The following NAA15 variants were observed in gnomAD, a reference collection of about 807,000 sequenced individuals.
The protein encoded by NAA15 is N-terminal acetyltransferase.
A neutral mutation model predicts 114.0 loss-of-function variants in NAA15; 34 were observed. That is an observed-to-expected ratio of 0.30 (90% CI 0.23 to 0.40). The LOEUF (loss-of-function observed/expected upper bound fraction) is 0.40. Ranked by LOEUF, NAA15 falls within the 10% of genes least tolerant of loss-of-function variation. The probability of loss-of-function intolerance (pLI) is 1.00; values close to 1 mark genes in which losing one functional copy is unlikely to be tolerated. For synonymous variants in NAA15, 340 were observed against 338.0 expected, an observed-to-expected ratio of 1.01 and a Z score of -0.06; for missense variants, 658 against 1,004.5, an observed-to-expected ratio of 0.66 and a Z score of 4.66.
rs1285404381 is a variant in NAA15 at position 139,390,313 on chromosome 4, G to A, written c.*2229G>A. 2 of 152,614 alleles carry A rather than the reference G, an allele frequency of 1.3e-5. No individual in the cohort carries two copies. The highest frequency in any genetic ancestry group is 2.9e-5 in the Non-Finnish European group (2 of 68,040). The allele number at this position is 152,614 out of a possible 1,614,324, so 9.5% of individuals were successfully genotyped here. A position where few individuals can be genotyped will look rare whatever the true frequency, so the allele number is the denominator to read the frequency against. Reference sequence around the variant, plus strand: ...TATTTTCTTTCAGGTTTACTTGATAGTGGATACATTGGTGTCAGAGGACCT... The same window carrying A: ...TATTTTCTTTCAGGTTTACTTGATAATGGATACATTGGTGTCAGAGGACCT... On this transcript the variant is annotated 3_prime_UTR_variant, in exon 20 of 20. Coordinates refer to ENST00000296543, the MANE Select transcript of NAA15 (RefSeq NM_057175.5).
At chr4:139,372,588 T>C (rs1416079209) in intron 15 of NAA15, among the ~76,000 whole-genome samples, 5 of 152,184 alleles carry the variant, frequency 3.3e-5, no homozygotes, top group Non-Finnish European at 5.9e-5. Context: ...TCTAAAAGCA[T>C]CTATACTTAC....
Position 139,384,943 on chromosome 4 carries a change from A to G in NAA15, c.2267A>G (p.Lys756Arg), listed in dbSNP as rs1560983783. 1.9e-6 allele frequency: 3 copies of G among 1,571,436 alleles called. No individual in the cohort carries two copies. Among genetic ancestry groups the G allele is most frequent in the Non-Finnish European group, 2.6e-6 (3 of 1,161,928 alleles). Residue 756 changes from lysine to arginine, a missense_variant, in exon 18 of 20, where the codon AAA becomes AGA. Coordinates refer to ENST00000296543, the MANE Select transcript of NAA15 (RefSeq NM_057175.5). ...NPKNFNETFLKRNSDSLPHRL... is the reference protein window; with the variant it reads ...NPKNFNETFLRRNSDSLPHRL... ...AAGAATTTTAATGAAACTTTTCTGA[A>G]AAGGAATTCTGATTCATTGCCACAC...
intron 15 of NAA15, among the ~76,000 whole-genome samples, chr4:139,375,105 G>C (rs1748546073): frequency 6.6e-6 from 1 of 152,172 alleles, no homozygotes; most frequent in Admixed American, 6.5e-5. Context: ...CCAGTTCTCT[G>C]CCTTTCTCTG....
At chr4:139,314,788 C>T (rs1417403018) in intron 1 of NAA15, among the ~76,000 whole-genome samples, 1 of 151,636 alleles carries the variant, frequency 6.6e-6, no homozygotes, top group Non-Finnish European at 1.5e-5. Flanking sequence ...AACAATTCTC[C>T]TGCCTCAGCC....
intron 1 of NAA15, among the ~76,000 whole-genome samples, chr4:139,325,114 C>A (rs113553045): frequency 1.2e-5 from 1 of 82,068 alleles, no homozygotes; most frequent in African/African-American, 5.9e-5. Context: ...ATTCAAGGGG[C>A]GGGGGGTTTA....
chr4:139,304,828 A>G (rs923609280), intron 1 of NAA15, among the ~76,000 whole-genome samples: 1 of 151,884 alleles, frequency 6.6e-6, no homozygotes, highest in Non-Finnish European at 1.5e-5. Flanking sequence ...AACCACATCC[A>G]TTATCTCTCC....
intron 10 of NAA15, among the ~76,000 whole-genome samples, chr4:139,354,691 CA>C (rs1747885828): frequency 2.0e-5 from 3 of 152,166 alleles, no homozygotes; most frequent in Non-Finnish European, 2.9e-5. Context: ...CTTTACCCAG[CA>C]CTCAGCTTCA....
chr4:139,355,227 C>T (rs187713901), intron 10 of NAA15, among the ~76,000 whole-genome samples: 1 of 152,128 alleles, frequency 6.6e-6, no homozygotes, highest in Admixed American at 6.5e-5. Context: ...GTTCACATTT[C>T]CAGTTATGTT....
chr4:139,355,992 C>G (rs906818306), intron 10 of NAA15, among the ~76,000 whole-genome samples: 1 of 151,968 alleles, frequency 6.6e-6, no homozygotes, highest in African/African-American at 2.4e-5. Flanking sequence ...TTTTTTCTCC[C>G]CACTCCCTCC....
chr4:139,358,074 A>C (rs1436221803), intron 11 of NAA15, among the ~76,000 whole-genome samples: 1 of 152,162 alleles, frequency 6.6e-6, no homozygotes, highest in Non-Finnish European at 1.5e-5. Flanking sequence ...TCATATTGCA[A>C]ATAAAATTTA....
chr4:139,352,531 T>A (rs1747811608), intron 9 of NAA15, among the ~76,000 whole-genome samples: 3 of 152,166 alleles, frequency 2.0e-5, no homozygotes, highest in African/African-American at 7.2e-5. Flanking sequence ...AAATGAGACA[T>A]ATGAAACACT....
intron 6 of NAA15, among the ~76,000 whole-genome samples, chr4:139,348,957 A>G (rs1426260208): frequency 6.6e-6 from 1 of 152,194 alleles, no homozygotes; most frequent in Non-Finnish European, 1.5e-5. Flanking sequence ...AAAGACAGTT[A>G]AGCTTAAAAT....
chr4:139,340,790 C>A, intron 3 of NAA15, 122 bp from the exon 4 acceptor site: 1 of 666,980 alleles, frequency 1.5e-6, no homozygotes, highest in Non-Finnish European at 2.4e-6. Context: ...TCTCCCCCTC[C>A]CCTTCCCCTT....
chr4:139,383,199 A>G (rs180875626), intron 17 of NAA15, among the ~76,000 whole-genome samples: 12 of 152,312 alleles, frequency 7.9e-5, no homozygotes, highest in African/African-American at 2.9e-4. Flanking sequence ...TTGACTACCT[A>G]TTACATAATT....
chr4:139,307,310 A>G (rs1746055661), intron 1 of NAA15, among the ~76,000 whole-genome samples: 1 of 152,170 alleles, frequency 6.6e-6, no homozygotes, highest in African/African-American at 2.4e-5. Flanking sequence ...ACTCTATCAC[A>G]CAGTCTGGAG....
At position 139,352,716 on chromosome 4, in the gene NAA15, G is replaced by A. The variant is rs1747821545; in HGVS notation, c.1014+1105G>A. 2.2e-5 allele frequency among the ~76,000 whole-genome samples: 3 copies of A among 133,824 alleles called. No homozygotes were observed. The South Asian group carries it at 6.9e-4, about 31-fold the overall frequency. The allele number at this position is 133,824 out of a possible 152,430, so 87.8% of individuals were successfully genotyped here. A position where few individuals can be genotyped will look rare whatever the true frequency, so the allele number is the denominator to read the frequency against. On this transcript the variant is annotated intron_variant, in intron 9 of 19. Coordinates refer to ENST00000296543, the MANE Select transcript of NAA15 (RefSeq NM_057175.5). Reference sequence around the variant, plus strand: ...GAGTTTCACTCTTGTCGCCCAGGCTGGAGTGCAATGGCGTGATCTCAGCTC... The same window carrying A: ...GAGTTTCACTCTTGTCGCCCAGGCTAGAGTGCAATGGCGTGATCTCAGCTC...
chr4:139,342,203 T>C lies in NAA15; in HGVS notation c.403-623T>C, dbSNP rs879042866. Among the ~76,000 whole-genome samples, 5 of 152,308 alleles carry C rather than the reference T, an allele frequency of 3.3e-5. No individual in the cohort carries two copies. The South Asian group carries it at 1.0e-3, about 32-fold the overall frequency. ...TTTTAAAAACATTTTTGAATATTTT[T>C]CCTTTGTGCTGTTCTTTCCATCCTG... On this transcript the variant is annotated intron_variant, in intron 4 of 19. Coordinates refer to ENST00000296543, the MANE Select transcript of NAA15 (RefSeq NM_057175.5).
rs1238622867 is a variant in NAA15, at chr4:139,389,804, A to G, written c.*1720A>G. ...TTACTGATTGAACAGTTGTGCTACAATCAACTTTTCATAGTACATGACCTG... is the reference window on the plus strand; with the variant it reads ...TTACTGATTGAACAGTTGTGCTACAGTCAACTTTTCATAGTACATGACCTG... On this transcript the variant is annotated 3_prime_UTR_variant, in exon 20 of 20. Coordinates refer to ENST00000296543, the MANE Select transcript of NAA15 (RefSeq NM_057175.5). The G allele has an allele frequency of 6.6e-6, 1 of 152,658 alleles. No homozygotes were observed. Among genetic ancestry groups the G allele is most frequent in the African/African-American group, 2.4e-5 (1 of 41,452 alleles). 9.5% of individuals were successfully genotyped at this position (152,658 alleles called of 1,614,324 possible). A position where few individuals can be genotyped will look rare whatever the true frequency, so the allele number is the denominator to read the frequency against.
rs1748399304 is a variant in NAA15 at position 139,370,272 on chromosome 4, A to G, written c.1815A>G (p.Lys605=). Residue 605 remains lysine, a synonymous_variant, in exon 15 of 20, where the codon AAA becomes AAG. Coordinates refer to ENST00000296543, the MANE Select transcript of NAA15 (RefSeq NM_057175.5). ...ATAAACAAAGAAGAGCTCAAAAGAA[A>G]GCCCAGATAGAAGAAGAGAAAAAAA... The part of the protein sequence containing the change: ...LRNKQRRAQK[K]AQIEEEKKNA... The G allele has an allele frequency of 5.7e-6, 9 of 1,586,782 alleles. No individual in the cohort carries two copies. The highest frequency in any genetic ancestry group is 7.7e-6 in the Non-Finnish European group (9 of 1,169,366).
Sources: gnomAD v4.1 joint callset for allele counts (sites outside exome capture counted in the v4.1 genomes callset) on GRCh38, gnomAD v4.1.1 for gene constraint, MANE v1.5 for transcripts, NCBI Gene and HGNC (gene_info 2026-07-23, HGNC 2026-07-21) for gene names.